CDC14A: variants seen among roughly 807,000 people sequenced by gnomAD.
CDC14A encodes cell division cycle 14A.
CDC14A carries 53 observed loss-of-function variants against 74.4 expected under a neutral mutation model. The observed-to-expected ratio is 0.71, with a 90% CI of 0.57 to 0.89. The LOEUF is 0.89. Among genes scored for constraint, CDC14A ranks in the 40% least tolerant of loss-of-function variants. The pLI is 0.00. For synonymous variants in CDC14A, 247 were observed against 258.4 expected (o/e 0.96, Z 0.43); for missense variants, 646 against 713.7 (o/e 0.91, Z 1.08).
chr1:100,467,523 A>G (rs1046743000), intron 9 of CDC14A, among the ~76,000 whole-genome samples: 3 of 152,142 alleles, frequency 2.0e-5, no homozygotes, highest in Non-Finnish European at 4.4e-5. Context: ...TCACTTACCT[A>G]TAACTTTCCC....
intron 2 of CDC14A, among the ~76,000 whole-genome samples, chr1:100,375,690 AC>A (rs1409771895): frequency 6.6e-6 from 1 of 152,222 alleles, no homozygotes; most frequent in Non-Finnish European, 1.5e-5. Context: ...ACACTTTTAC[AC>A]TGTTGGTAGG....
At chr1:100,436,141 A>C (rs1664309778) in intron 5 of CDC14A, among the ~76,000 whole-genome samples, 2 of 152,276 alleles carry the variant, frequency 1.3e-5, no homozygotes, top group East Asian at 1.9e-4. Flanking sequence ...AGGTGAAAAA[A>C]ATTCCTTAGA....
At chr1:100,420,031 T>TACATATATATATACATATATAC (rs1553180433) in intron 4 of CDC14A, among the ~76,000 whole-genome samples, 7 of 82,908 alleles carry the variant, frequency 8.4e-5, no homozygotes, top group Non-Finnish European at 1.6e-4. Context: ...TATACATATA[T>TACATATATATATACATATATAC]ACACACACAC....
At chr1:100,518,216 G>C in intron 15 of CDC14A, 35 bp from the exon 16 acceptor site, 2 of 1,578,660 alleles carry the variant, frequency 1.3e-6, no homozygotes, top group Non-Finnish European at 1.7e-6. Flanking sequence ...ACATGTGATG[G>C]AATTTAACCT....
At chr1:100,503,248 C>G (rs1319866578) in intron 15 of CDC14A, among the ~76,000 whole-genome samples, 1 of 152,176 alleles carries the variant, frequency 6.6e-6, no homozygotes, top group African/African-American at 2.4e-5. Flanking sequence ...GATCATACTT[C>G]TAGTTCTAGT....
At chr1:100,423,988 A>C in intron 4 of CDC14A, 1 of 457,604 alleles carries the variant, frequency 2.2e-6, no homozygotes, top group South Asian at 2.3e-5. Flanking sequence ...AGAGCCTGGG[A>C]TGGCCTCTTC....
chr1:100,370,613 T>TG (rs1361296391), intron 2 of CDC14A, among the ~76,000 whole-genome samples: 1 of 152,324 alleles, frequency 6.6e-6, no homozygotes, highest in East Asian at 1.9e-4. Context: ...GAAGATCAGA[T>TG]GGCTGTAGGT....
At chr1:100,393,964 T>A (rs189904600) in intron 4 of CDC14A, 31,237 of 216,044 alleles carry the variant, frequency 0.14, 2,198 homozygotes, top group Non-Finnish European at 0.16. Context: ...CAAAAAAAAA[T>A]ATATATATAT....
At chr1:100,492,735 T>G (rs1006952486) in intron 11 of CDC14A, among the ~76,000 whole-genome samples, 1 of 152,074 alleles carries the variant, frequency 6.6e-6, no homozygotes, top group Non-Finnish European at 1.5e-5. Flanking sequence ...GCCAAACAAT[T>G]TTAAATTTTT....
At chr1:100,402,771 C>T (rs555007343) in intron 4 of CDC14A, among the ~76,000 whole-genome samples, 6 of 152,286 alleles carry the variant, frequency 3.9e-5, no homozygotes, top group Admixed American at 6.5e-5. Flanking sequence ...AGCATGTCAC[C>T]GAGCACTGCT....
intron 4 of CDC14A, among the ~76,000 whole-genome samples, chr1:100,413,620 C>A (rs1304480929): frequency 6.6e-6 from 1 of 152,158 alleles, no homozygotes; most frequent in South Asian, 2.1e-4. Flanking sequence ...TGGGAAGCAA[C>A]CCCCACAAGT....
chr1:100,450,069 T>C lies in CDC14A; in HGVS notation c.520-5336T>C, dbSNP rs375976280. 1.4e-3 allele frequency among the ~76,000 whole-genome samples: 206 copies of C among 152,256 alleles called. 1 individual carries two copies. Among genetic ancestry groups the C allele is most frequent in the African/African-American group, 4.6e-3 (189 of 41,534 alleles). ...ACACAGATTGCTAGATGTTTTAATC[T>C]AAGACCAGTTCTGTATGGAACATCA... On this transcript the variant is annotated intron_variant, in intron 7 of 15. Coordinates refer to ENST00000336454, the MANE Select transcript of CDC14A (RefSeq NM_003672.4).
intron 8 of CDC14A, among the ~76,000 whole-genome samples, chr1:100,457,626 G>A (rs12057397): frequency 0.3 from 42,781 of 140,540 alleles, 8,692 homozygotes; most frequent in African/African-American, 0.59. Flanking sequence ...CACCTGGCTG[G>A]TTTTTTTTTT....
At chr1:100,427,858 G>A (rs1663138718) in intron 5 of CDC14A, among the ~76,000 whole-genome samples, 1 of 152,124 alleles carries the variant, frequency 6.6e-6, no homozygotes, top group South Asian at 2.1e-4. Flanking sequence ...GGAGAGAGGT[G>A]TTATGGGAAT....
chr1:100,375,900 A>G (rs1465933930), intron 2 of CDC14A, among the ~76,000 whole-genome samples: 1 of 152,236 alleles, frequency 6.6e-6, no homozygotes, highest in African/African-American at 2.4e-5. Flanking sequence ...AACCAACCCA[A>G]ATGCCCATCA....
chr1:100,363,321 T>C (rs1170854623), intron 2 of CDC14A: 2 of 152,226 alleles, frequency 1.3e-5, no homozygotes, highest in Non-Finnish European at 2.9e-5. Context: ...CAGGCTGCTG[T>C]TTGTTAAAAG....
At chr1:100,456,157 A>G (rs1031699321) in intron 8 of CDC14A, among the ~76,000 whole-genome samples, 5 of 152,244 alleles carry the variant, frequency 3.3e-5, no homozygotes, top group African/African-American at 1.2e-4. Flanking sequence ...ACAATTTTCT[A>G]GCTGACAGTG....
intron 5 of CDC14A, among the ~76,000 whole-genome samples, chr1:100,435,361 C>G (rs1003625322): frequency 1.3e-5 from 2 of 152,080 alleles, no homozygotes; most frequent in Admixed American, 1.3e-4. Context: ...TAAGTAAATC[C>G]AGACAGACAG....
chr1:100,511,960 T>G (rs1447441082), intron 15 of CDC14A, among the ~76,000 whole-genome samples: 1 of 152,140 alleles, frequency 6.6e-6, no homozygotes, highest in Non-Finnish European at 1.5e-5. Flanking sequence ...CATTCAGGGT[T>G]CTTCCCTGTC....
Sources: allele counts gnomAD v4.1 joint callset (sites outside exome capture counted in the v4.1 genomes callset), GRCh38; gene constraint gnomAD v4.1.1; transcripts MANE v1.5; gene names NCBI Gene and HGNC (gene_info 2026-07-23, HGNC 2026-07-21).